The following CACNA2D3 variants were observed in gnomAD, a reference collection of about 807,000 sequenced individuals.
The protein encoded by CACNA2D3 is voltage-dependent calcium channel subunit alpha-2/delta-3.
Under a neutral mutation model 160.6 loss-of-function variants are expected in CACNA2D3, and 60 were observed. That is an observed-to-expected ratio of 0.37 (90% CI 0.30 to 0.46). The LOEUF is 0.46. CACNA2D3 is among the 20% of genes least tolerant of loss of function. The pLI, the probability that CACNA2D3 is intolerant of heterozygous loss-of-function variation, is 1.00. For synonymous variants in CACNA2D3, 558 were observed against 492.9 expected, an observed-to-expected ratio of 1.13 and a Z score of -1.75; for missense variants, 1,205 against 1,365.0, an observed-to-expected ratio of 0.88 and a Z score of 1.85.
rs1380771565 is a variant in CACNA2D3 at position 54,292,055 on chromosome 3, C to G, written c.205-28387C>G. Among the ~76,000 whole-genome samples, 3 of 152,048 alleles carry G rather than the reference C, an allele frequency of 2.0e-5. No homozygotes were observed. The East Asian group carries it at 5.8e-4, about 29-fold the overall frequency. The stretch of plus-strand genomic sequence containing the variant: ...TGATTTCCAGCAAGTGTGCCAAGAC[C>G]TTTCGGTGGTAGAAAGAAAAATCTT... On this transcript the variant is annotated intron_variant, in intron 2 of 37. Coordinates refer to ENST00000474759, the MANE Select transcript of CACNA2D3 (RefSeq NM_018398.3).
intron 2 of CACNA2D3, among the ~76,000 whole-genome samples, chr3:54,304,961 T>A (rs376642913): frequency 3.9e-5 from 6 of 152,292 alleles, no homozygotes; most frequent in African/African-American, 1.4e-4. Flanking sequence ...CACACTTGTA[T>A]AATTTGCATC....
chr3:54,352,117 C>G (rs941962719), intron 3 of CACNA2D3, among the ~76,000 whole-genome samples: 1 of 152,170 alleles, frequency 6.6e-6, no homozygotes, highest in Non-Finnish European at 1.5e-5. Context: ...TTATAATCCA[C>G]TTGGACTTGG....
intron 11 of CACNA2D3, among the ~76,000 whole-genome samples, chr3:54,746,478 C>CT (rs1559567396): frequency 1.3e-5 from 2 of 152,060 alleles, no homozygotes; most frequent in Non-Finnish European, 2.9e-5. Flanking sequence ...GGCAGTGAGT[C>CT]CAAAAGGACA....
intron 9 of CACNA2D3, among the ~76,000 whole-genome samples, chr3:54,592,847 A>G (rs1223315036): frequency 1.3e-5 from 2 of 152,200 alleles, no homozygotes; most frequent in Non-Finnish European, 2.9e-5. Context: ...AAAAGTACAC[A>G]CCAGAGTTGC....
intron 5 of CACNA2D3, among the ~76,000 whole-genome samples, chr3:54,556,924 G>A (rs12490326): frequency 9.2e-5 from 14 of 152,204 alleles, no homozygotes; most frequent in Middle Eastern, 3.4e-3. Context: ...TTACTGTCCC[G>A]TGGGTTACTT....
chr3:54,309,504 T>C (rs181785434), intron 2 of CACNA2D3, among the ~76,000 whole-genome samples: 3 of 151,964 alleles, frequency 2.0e-5, no homozygotes, highest in African/African-American at 4.8e-5. Flanking sequence ...AACCTGACAA[T>C]CTGGAAGTGG....
chr3:54,201,528 A>C (rs1258791353), intron 2 of CACNA2D3, among the ~76,000 whole-genome samples: 2 of 152,354 alleles, frequency 1.3e-5, no homozygotes, highest in South Asian at 4.1e-4. Flanking sequence ...GGTGTCCTCA[A>C]ATCACTTATA....
chr3:54,864,628 G>A (rs1349435070), intron 17 of CACNA2D3, among the ~76,000 whole-genome samples: 2 of 152,176 alleles, frequency 1.3e-5, no homozygotes, highest in Non-Finnish European at 2.9e-5. Context: ...TTTCAGGGCA[G>A]GCCAAATGAG....
intron 11 of CACNA2D3, among the ~76,000 whole-genome samples, chr3:54,689,149 C>T (rs1440367965): frequency 6.6e-6 from 1 of 152,082 alleles, no homozygotes; most frequent in Non-Finnish European, 1.5e-5. Flanking sequence ...AGTGTTTCTT[C>T]TGCTTCACTT....
At chr3:54,640,845 AAG>A (rs1699501725) in intron 10 of CACNA2D3, among the ~76,000 whole-genome samples, 1 of 152,188 alleles carries the variant, frequency 6.6e-6, no homozygotes, top group African/African-American at 2.4e-5. Context: ...TAGATTTTGA[AAG>A]AGATATTGTC....
At position 54,554,870 on chromosome 3, in the gene CACNA2D3, C is replaced by CTTTTTTTTTTTTTTTTTTTTTTTTTTTT. The variant is rs66526065; in HGVS notation, c.545-7909_545-7908insTTTTTTTTTTTTTTTTTTTTTTTTTTTT. Among the ~76,000 whole-genome samples, 5 of 96,166 alleles carry CTTTTTTTTTTTTTTTTTTTTTTTTTTTT rather than the reference C, an allele frequency of 5.2e-5. 1 individual carries two copies. The highest frequency in any genetic ancestry group is 7.8e-5 in the Non-Finnish European group (4 of 51,506). The allele number at this position is 96,166 out of a possible 152,430, so 63.1% of individuals were successfully genotyped here. ...TTTCTTTTCTTTTCTCTCTCACTCT[C>CTTTTTTTTTTTTTTTTTTTTTTTTTTTT]TTTTTTTTTTTTTTTTTTTTTGGAG... On this transcript the variant is annotated intron_variant, in intron 5 of 37. Coordinates refer to ENST00000474759, the MANE Select transcript of CACNA2D3 (RefSeq NM_018398.3).
intron 4 of CACNA2D3, among the ~76,000 whole-genome samples, chr3:54,427,230 T>C (rs943316213): frequency 1.5e-4 from 23 of 152,172 alleles, no homozygotes; most frequent in African/African-American, 5.5e-4. Flanking sequence ...TGCGTATCTG[T>C]TGATGAATAA....
At chr3:55,025,941 C>CTT (rs113651713) in intron 35 of CACNA2D3, among the ~76,000 whole-genome samples, 1 of 145,184 alleles carries the variant, frequency 6.9e-6, no homozygotes, top group African/African-American at 2.5e-5. Flanking sequence ...TGGGTTTTTT[C>CTT]TTTTTTTTTT....
chr3:54,249,696 CA>C (rs1702148360), intron 2 of CACNA2D3, among the ~76,000 whole-genome samples: 2 of 151,266 alleles, frequency 1.3e-5, no homozygotes, highest in African/African-American at 4.9e-5. Context: ...CACACACACA[CA>C]CCCCTCATCC....
intron 4 of CACNA2D3, among the ~76,000 whole-genome samples, chr3:54,472,969 A>C (rs1365976909): frequency 6.6e-6 from 1 of 152,248 alleles, no homozygotes; most frequent in Non-Finnish European, 1.5e-5. Context: ...AAAGTAATTT[A>C]TAGATTCAGC....
At chr3:54,760,177 G>A (rs1004773347) in intron 12 of CACNA2D3, among the ~76,000 whole-genome samples, 1 of 152,198 alleles carries the variant, frequency 6.6e-6, no homozygotes, top group African/African-American at 2.4e-5. Flanking sequence ...GTCCTCTGAA[G>A]GGACTGATGC....
intron 13 of CACNA2D3, among the ~76,000 whole-genome samples, chr3:54,778,931 T>G (rs937477366): frequency 7.2e-5 from 11 of 152,244 alleles, no homozygotes; most frequent in Admixed American, 7.2e-4. Flanking sequence ...GCACCACCAA[T>G]CCAACAAAGA....
rs59534343 is a variant in CACNA2D3 at position 54,303,818 on chromosome 3, G to GTTTTTTGTTTTTTTTTTTT, written c.205-16618_205-16617insGTTTTTTTTTTTTTTTTTT. ...CAGCCTCATCAGTGACTTTTTTTCT[G>GTTTTTTGTTTTTTTTTTTT]TTTTTTTTTTTTTTTTTTTTCTATT... is the stretch of plus-strand genomic sequence containing the variant. On this transcript the variant is annotated intron_variant, in intron 2 of 37. Transcript: ENST00000474759. Among the ~76,000 whole-genome samples the GTTTTTTGTTTTTTTTTTTT allele has an allele frequency of 1.2e-3, 143 of 114,998 alleles. 8 individuals carry two copies. The highest frequency in any genetic ancestry group is 1.8e-3 in the East Asian group (7 of 3,950). The allele number at this position is 114,998 out of a possible 152,430, so 75.4% of individuals were successfully genotyped here.
chr3:54,636,439 A>G (rs1470567216), intron 10 of CACNA2D3, among the ~76,000 whole-genome samples: 2 of 152,002 alleles, frequency 1.3e-5, no homozygotes, highest in African/African-American at 4.8e-5. Flanking sequence ...TGAAGGAGCC[A>G]GGGAGCAGAA....
Sources: gnomAD v4.1 joint callset for allele counts (sites outside exome capture counted in the v4.1 genomes callset) on GRCh38, gnomAD v4.1.1 for gene constraint, MANE v1.5 for transcripts, NCBI Gene and HGNC (gene_info 2026-07-23, HGNC 2026-07-21) for gene names.